Variants in KCNIP4 observed in about 807,000 individuals in gnomAD.
KCNIP4 encodes potassium voltage-gated channel interacting protein 4.
Under a neutral mutation model 34.0 loss-of-function variants are expected in KCNIP4, and 12 were observed. That is an observed-to-expected ratio of 0.35 (90% CI 0.23 to 0.57). KCNIP4 has a LOEUF of 0.57. Ranked by LOEUF, KCNIP4 falls within the 20% of genes least tolerant of loss-of-function variation. The pLI, the probability that KCNIP4 is intolerant of heterozygous loss-of-function variation, is 0.83. For missense variants in KCNIP4, 238 were observed against 311.7 expected, an observed-to-expected ratio of 0.76 and a Z score of 1.78; for synonymous variants, 124 against 102.2, an observed-to-expected ratio of 1.21 and a Z score of -1.29.
At chr4:20,743,339 T>G (rs1176410596) in intron 5 of KCNIP4, among the ~76,000 whole-genome samples, 1 of 152,158 alleles carries the variant, frequency 6.6e-6, no homozygotes, top group Admixed American at 6.5e-5. Flanking sequence ...AGAACAAAGC[T>G]GGAGACATCA....
Position 21,556,118 on chromosome 4 carries a change from A to T in KCNIP4, c.61+392453T>A, listed in dbSNP as rs1738982523. On this transcript the variant is annotated intron_variant, in intron 1 of 8. Coordinates refer to ENST00000382152, the MANE Select transcript of KCNIP4 (RefSeq NM_025221.6). ...CCTTTCGACAAAAGGGGTGAGAAAC[A>T]TATGTGTGTTTTGTAATTGAGTAAA... is the stretch of plus-strand genomic sequence containing the variant. 2.0e-5 allele frequency among the ~76,000 whole-genome samples: 3 copies of T among 152,292 alleles called. No homozygotes were observed. In the South Asian group the frequency reaches 6.2e-4, roughly 32 times the overall value.
intron 1 of KCNIP4, among the ~76,000 whole-genome samples, chr4:21,703,140 A>G (rs969047615): frequency 3.9e-5 from 6 of 152,164 alleles, no homozygotes; most frequent in African/African-American, 7.2e-5. Flanking sequence ...CCTACTAGTA[A>G]CATTATGATT....
At chr4:21,466,094 T>G (rs1488501833) in intron 1 of KCNIP4, among the ~76,000 whole-genome samples, 1 of 152,186 alleles carries the variant, frequency 6.6e-6, no homozygotes, top group African/African-American at 2.4e-5. Flanking sequence ...TTCACTATGC[T>G]CTACCCACTA....
rs147505726 is a variant in KCNIP4, at chr4:21,042,698, T to C, written c.62-159989A>G. 4.7e-3 allele frequency among the ~76,000 whole-genome samples: 714 copies of C among 152,234 alleles called. 6 individuals carry two copies. Among genetic ancestry groups the C allele is most frequent in the African/African-American group, 0.017 (687 of 41,538 alleles). ...GGAGAGACGTTTAGGAATGATCTCA[T>C]CACGAAGAAATGATATATGATAAAT... is the stretch of plus-strand genomic sequence containing the variant. On this transcript the variant is annotated intron_variant, in intron 1 of 8. Transcript: ENST00000382152.
intron 1 of KCNIP4, among the ~76,000 whole-genome samples, chr4:21,644,361 A>G (rs1746854652): frequency 6.6e-6 from 1 of 152,198 alleles, no homozygotes; most frequent in Non-Finnish European, 1.5e-5. Context: ...GCCTTATGGA[A>G]TAAACCGAAA....
At chr4:21,187,088 T>C (rs762789598) in intron 1 of KCNIP4, among the ~76,000 whole-genome samples, 3 of 152,232 alleles carry the variant, frequency 2.0e-5, no homozygotes, top group Non-Finnish European at 2.9e-5. Context: ...TTTTATTTTA[T>C]TCTCAGCAAT....
At chr4:21,179,792 TA>T (rs1754712655) in intron 1 of KCNIP4, among the ~76,000 whole-genome samples, 1 of 152,236 alleles carries the variant, frequency 6.6e-6, no homozygotes, top group African/African-American at 2.4e-5. Context: ...CAATGTTTTT[TA>T]AAAAATGCTT....
At chr4:20,844,897 C>CA (rs1223426201) in intron 3 of KCNIP4, among the ~76,000 whole-genome samples, 4 of 150,690 alleles carry the variant, frequency 2.7e-5, no homozygotes, top group Admixed American at 6.6e-5. Flanking sequence ...AGAAATGAAA[C>CA]AAAAAAAAAG....
intron 1 of KCNIP4, among the ~76,000 whole-genome samples, chr4:21,506,871 A>T (rs1281143022): frequency 6.6e-6 from 1 of 151,852 alleles, no homozygotes; most frequent in Non-Finnish European, 1.5e-5. Flanking sequence ...GGTTCACTGC[A>T]GCCTCAAACT....
intron 1 of KCNIP4, among the ~76,000 whole-genome samples, chr4:21,663,448 A>G (rs1748604370): frequency 6.6e-6 from 1 of 152,120 alleles, no homozygotes; most frequent in South Asian, 2.1e-4. Flanking sequence ...GCACCGTGCT[A>G]TGACTGCAGA....
intron 3 of KCNIP4, among the ~76,000 whole-genome samples, chr4:20,822,467 A>G (rs963484597): frequency 6.6e-6 from 1 of 152,216 alleles, no homozygotes; most frequent in South Asian, 2.1e-4. Flanking sequence ...ACTTTTACAC[A>G]GCTGGTGGGA....
chr4:21,566,798 AT>A (rs1481733430), intron 1 of KCNIP4, among the ~76,000 whole-genome samples: 1 of 152,098 alleles, frequency 6.6e-6, no homozygotes, highest in Non-Finnish European at 1.5e-5. Context: ...AGGTCAAAGG[AT>A]TCCTATTGAA....
intron 3 of KCNIP4, among the ~76,000 whole-genome samples, chr4:20,841,398 A>G (rs1383879825): frequency 6.6e-6 from 1 of 152,264 alleles, no homozygotes; most frequent in African/African-American, 2.4e-5. Context: ...AGGAAACCCA[A>G]AATAAGCACT....
chr4:20,985,502 G>T lies in KCNIP4; in HGVS notation c.62-102793C>A, dbSNP rs183525647. On this transcript the variant is annotated intron_variant, in intron 1 of 8. Coordinates refer to ENST00000382152, the MANE Select transcript of KCNIP4 (RefSeq NM_025221.6). The stretch of plus-strand genomic sequence containing the variant: ...GGTGAGGAAAACAAAGCATGAAGAG[G>T]TTAACTGACTTGCCAAGCAGTGGGC... Among the ~76,000 whole-genome samples the T allele has an allele frequency of 3.3e-5, 5 of 152,060 alleles. No homozygotes were observed. The South Asian group carries it at 1.0e-3, about 32-fold the overall frequency.
chr4:21,858,434 A>T (rs1724882313), intron 1 of KCNIP4, among the ~76,000 whole-genome samples: 1 of 152,244 alleles, frequency 6.6e-6, no homozygotes, highest in Non-Finnish European at 1.5e-5. Flanking sequence ...CTAGCACAAG[A>T]TAAAATGAAA....
At chr4:21,844,123 T>C (rs939768803) in intron 1 of KCNIP4, 4 of 152,060 alleles carry the variant, frequency 2.6e-5, no homozygotes, top group African/African-American at 9.7e-5. Context: ...CAAACATGAA[T>C]GAGTCAAGAA....
At chr4:20,745,011 C>T (rs913128608) in intron 5 of KCNIP4, among the ~76,000 whole-genome samples, 2 of 152,088 alleles carry the variant, frequency 1.3e-5, no homozygotes, top group Non-Finnish European at 2.9e-5. Context: ...AAACCTAGTC[C>T]AGGTCTAAGA....
chr4:21,298,272 G>A (rs1039961292), intron 1 of KCNIP4, among the ~76,000 whole-genome samples: 3 of 151,956 alleles, frequency 2.0e-5, no homozygotes, highest in African/African-American at 4.8e-5. Flanking sequence ...GAAAGGTTGG[G>A]GTGTGTGTTT....
At chr4:21,128,260 T>A (rs2109160723) in intron 1 of KCNIP4, among the ~76,000 whole-genome samples, 1 of 152,324 alleles carries the variant, frequency 6.6e-6, no homozygotes, top group East Asian at 1.9e-4. Flanking sequence ...GATGCTCTCA[T>A]GGAATTAAGA....
Sources: gnomAD v4.1 joint callset for allele counts (sites outside exome capture counted in the v4.1 genomes callset) on GRCh38, gnomAD v4.1.1 for gene constraint, MANE v1.5 for transcripts, NCBI Gene and HGNC (gene_info 2026-07-23, HGNC 2026-07-21) for gene names.